ADGRL3: variants seen among roughly 807,000 people sequenced by gnomAD.
ADGRL3 encodes adhesion G protein-coupled receptor L3.
In ADGRL3, 62 loss-of-function variants were observed where a neutral mutation model predicts 153.5. The ratio of observed to expected loss-of-function variants is 0.40; its 90% CI spans 0.33 to 0.50. ADGRL3 has a LOEUF of 0.50. Among genes scored for constraint, ADGRL3 ranks in the 20% least tolerant of loss-of-function variants. ADGRL3 has a pLI of 0.47. For synonymous variants in ADGRL3, 710 were observed against 672.5 expected, an observed-to-expected ratio of 1.06 and a Z score of -0.86; for missense variants, 1,641 against 1,859.4, an observed-to-expected ratio of 0.88 and a Z score of 2.16.
chr4:62,013,757 G>A (rs1448839131), intron 21 of ADGRL3, among the ~76,000 whole-genome samples: 10 of 151,590 alleles, frequency 6.6e-5, no homozygotes, highest in Admixed American at 2.0e-4. Flanking sequence ...GCATGGTGGC[G>A]CATGCCTGTA....
At chr4:61,549,724 C>T (rs2148785876) in intron 4 of ADGRL3, among the ~76,000 whole-genome samples, 1 of 152,068 alleles carries the variant, frequency 6.6e-6, no homozygotes, top group South Asian at 2.1e-4. Context: ...TTAATCACAG[C>T]TGTATTTACA....
Position 61,353,455 on chromosome 4 carries a change from G to T in ADGRL3, c.-239-29669G>T, listed in dbSNP as rs575089126. 9.9e-5 allele frequency among the ~76,000 whole-genome samples: 15 copies of T among 152,012 alleles called. 1 individual carries two copies. The highest frequency in any genetic ancestry group is 3.4e-4 in the African/African-American group (14 of 41,464). ...AGCCCATTTAGTTATTCAGAGCTTT[G>T]TACAGATGTGGATTTAAAAATACAT... is the stretch of plus-strand genomic sequence containing the variant. On this transcript the variant is annotated intron_variant, in intron 1 of 26. Coordinates refer to ENST00000683033, the MANE Select transcript of ADGRL3 (RefSeq NM_001387552.1).
intron 17 of ADGRL3, among the ~76,000 whole-genome samples, chr4:61,951,261 A>G (rs2098946230): frequency 6.6e-6 from 1 of 152,128 alleles, no homozygotes; most frequent in Admixed American, 6.5e-5. Context: ...CACCAAAGAC[A>G]CACAATCTGA....
At chr4:61,701,430 ATT>A (rs71664995) in intron 6 of ADGRL3, among the ~76,000 whole-genome samples, 4 of 105,400 alleles carry the variant, frequency 3.8e-5, no homozygotes, top group East Asian at 3.1e-4. Flanking sequence ...TAAAGGTACA[ATT>A]TTTTTTTTTT....
In ADGRL3 at chr4:61,480,884, A is replaced by T. The variant is rs575860049; in HGVS notation, c.-173-16237A>T. On this transcript the variant is annotated intron_variant, in intron 2 of 26. Coordinates refer to ENST00000683033, the MANE Select transcript of ADGRL3 (RefSeq NM_001387552.1). ...GAAGACATACAAATGGCCAACAAGT[A>T]TATGAAACGGTGCTCAACATCAGGG... 1.4e-4 allele frequency among the ~76,000 whole-genome samples: 22 copies of T among 152,316 alleles called. No homozygotes were observed. The East Asian group carries it at 4.3e-3, about 29-fold the overall frequency.
intron 9 of ADGRL3, among the ~76,000 whole-genome samples, chr4:61,823,365 G>A (rs1282370345): frequency 6.6e-6 from 1 of 152,122 alleles, no homozygotes; most frequent in Non-Finnish European, 1.5e-5. Context: ...CAAATTAACT[G>A]TGAAATCATG....
intron 1 of ADGRL3, among the ~76,000 whole-genome samples, chr4:61,216,721 A>G (rs1050600829): frequency 1.3e-5 from 2 of 152,194 alleles, no homozygotes; most frequent in Non-Finnish European, 2.9e-5. Flanking sequence ...TAGAGGGCAA[A>G]GGAGTCGTAA....
intron 5 of ADGRL3, among the ~76,000 whole-genome samples, chr4:61,661,214 T>A (rs1319270921): frequency 6.6e-6 from 1 of 152,124 alleles, no homozygotes; most frequent in Non-Finnish European, 1.5e-5. Flanking sequence ...TTAAAAATTA[T>A]TTCACATTTT....
intron 4 of ADGRL3, among the ~76,000 whole-genome samples, chr4:61,537,875 A>T (rs1030660834): frequency 6.6e-6 from 1 of 152,012 alleles, no homozygotes; most frequent in Admixed American, 6.6e-5. Context: ...CCTGAATTAT[A>T]TTTCTGGTTT....
chr4:61,299,039 T>C (rs1299360217), intron 1 of ADGRL3, among the ~76,000 whole-genome samples: 1 of 152,170 alleles, frequency 6.6e-6, no homozygotes, highest in African/African-American at 2.4e-5. Context: ...ACAGTAAATA[T>C]TGAGTATTTA....
At chr4:61,735,643 T>TA (rs2096497939) in intron 8 of ADGRL3, among the ~76,000 whole-genome samples, 1 of 152,212 alleles carries the variant, frequency 6.6e-6, no homozygotes, top group South Asian at 2.1e-4. Context: ...TTTTGACTCT[T>TA]AACTGGAACA....
At chr4:61,546,723 T>C (rs10866120) in intron 4 of ADGRL3, among the ~76,000 whole-genome samples, 57,063 of 151,890 alleles carry the variant, frequency 0.38, 11,298 homozygotes, top group East Asian at 0.76. Flanking sequence ...TCTCCAGACA[T>C]GAGAAAATGT....
intron 8 of ADGRL3, among the ~76,000 whole-genome samples, chr4:61,743,430 A>G (rs1168579717): frequency 6.6e-6 from 1 of 152,104 alleles, no homozygotes; most frequent in East Asian, 1.9e-4. Flanking sequence ...TTATCTGAAA[A>G]TTATCTCTAA....
At position 61,798,242 on chromosome 4, in the gene ADGRL3, G is replaced by A. The variant is rs1049011593; in HGVS notation, c.1400-15567G>A. Among the ~76,000 whole-genome samples, 8 of 152,104 alleles carry A rather than the reference G, an allele frequency of 5.3e-5. No homozygotes were observed. The South Asian group carries it at 1.4e-3, about 28-fold the overall frequency. On this transcript the variant is annotated intron_variant, in intron 8 of 26. Coordinates refer to ENST00000683033, the MANE Select transcript of ADGRL3 (RefSeq NM_001387552.1). ...TTTCTAGGTTTAAAAACTTGTCAGAGCTAAAAATCACATTAAATCCCATTG... is the reference window on the plus strand; with the variant it reads ...TTTCTAGGTTTAAAAACTTGTCAGAACTAAAAATCACATTAAATCCCATTG...
intron 4 of ADGRL3, among the ~76,000 whole-genome samples, chr4:61,566,537 T>G (rs1314044911): frequency 1.3e-5 from 2 of 152,264 alleles, no homozygotes; most frequent in East Asian, 1.9e-4. Context: ...GTACTTGCAA[T>G]TTTAAGATAT....
At chr4:61,717,855 G>A (rs1484243529) in intron 6 of ADGRL3, among the ~76,000 whole-genome samples, 1 of 151,872 alleles carries the variant, frequency 6.6e-6, no homozygotes, top group African/African-American at 2.4e-5. Context: ...CCAACGTGGT[G>A]GAACCCCATC....
intron 1 of ADGRL3, among the ~76,000 whole-genome samples, chr4:61,228,199 A>C (rs981646789): frequency 6.6e-6 from 1 of 152,084 alleles, no homozygotes; most frequent in Admixed American, 6.5e-5. Context: ...AAAAGTAATG[A>C]CAGAATTTTG....
chr4:61,607,267 G>A (rs2099035905), intron 5 of ADGRL3, among the ~76,000 whole-genome samples: 1 of 152,078 alleles, frequency 6.6e-6, no homozygotes, highest in African/African-American at 2.4e-5. Context: ...GGTGGAGCCA[G>A]TCGGTTGCCA....
At chr4:61,831,951 A>G (rs935706173) in intron 9 of ADGRL3, among the ~76,000 whole-genome samples, 8 of 152,112 alleles carry the variant, frequency 5.3e-5, no homozygotes, top group Non-Finnish European at 1.0e-4. Flanking sequence ...ATTAAGCTTC[A>G]TATAGAAGAG....
Sources: allele counts gnomAD v4.1 joint callset (sites outside exome capture counted in the v4.1 genomes callset), GRCh38; gene constraint gnomAD v4.1.1; transcripts MANE v1.5; gene names NCBI Gene and HGNC (gene_info 2026-07-23, HGNC 2026-07-21).